Variants in OPCML observed in about 807,000 individuals in gnomAD.
The protein encoded by OPCML is opioid binding protein/cell adhesion molecule like, also known as opioid-binding protein/cell adhesion molecule.
In OPCML, 13 loss-of-function variants were observed where a neutral mutation model predicts 37.8. The ratio of observed to expected loss-of-function variants is 0.34; its 90% CI spans 0.22 to 0.55. The LOEUF is 0.55. OPCML is among the 20% of genes least tolerant of loss of function. The pLI is 0.91. For synonymous variants in OPCML, 176 were observed against 168.8 expected, an observed-to-expected ratio of 1.04 and a Z score of -0.33; for missense variants, 341 against 435.6, an observed-to-expected ratio of 0.78 and a Z score of 1.93.
chr11:132,873,117 C>T (rs932327094), intron 2 of OPCML, among the ~76,000 whole-genome samples: 2 of 152,096 alleles, frequency 1.3e-5, no homozygotes, highest in Non-Finnish European at 2.9e-5. Context: ...GGGTTCTTGT[C>T]CTGTCAAGAA....
At chr11:133,027,488 TGTTGTG>T (rs1244648038) in intron 1 of OPCML, among the ~76,000 whole-genome samples, 15 of 144,584 alleles carry the variant, frequency 1.0e-4, no homozygotes, top group Admixed American at 6.8e-4. Context: ...TGTGTGTGTG[TGTTGTG>T]TGTGTGTGTG....
At position 133,453,441 on chromosome 11, in the gene OPCML, T is replaced by C. The variant is rs1426707036; in HGVS notation, c.61+78823A>G. ...TTTATTGCTTTGCTTTTCTTTTTCA[T>C]AGGGTACAATTTATTTATTTAATTT... On this transcript the variant is annotated intron_variant, in intron 1 of 7. Transcript: ENST00000524381. 2.6e-5 allele frequency among the ~76,000 whole-genome samples: 4 copies of C among 152,236 alleles called. 1 individual carries two copies. Among genetic ancestry groups the C allele is most frequent in the Admixed American group, 2.0e-4 (3 of 15,290 alleles).
At chr11:133,331,925 G>A (rs1943627835) in intron 1 of OPCML, among the ~76,000 whole-genome samples, 1 of 151,994 alleles carries the variant, frequency 6.6e-6, no homozygotes, top group South Asian at 2.1e-4. Flanking sequence ...GCTCTTTTTT[G>A]GTTCCATATA....
intron 2 of OPCML, among the ~76,000 whole-genome samples, chr11:132,882,536 C>T (rs1171910530): frequency 6.6e-6 from 1 of 152,160 alleles, no homozygotes; most frequent in East Asian, 1.9e-4. Flanking sequence ...TTTTGCATAT[C>T]GTGATAGGGC....
intron 2 of OPCML, among the ~76,000 whole-genome samples, chr11:132,810,002 A>G (rs1939244279): frequency 6.6e-6 from 1 of 152,008 alleles, no homozygotes; most frequent in Non-Finnish European, 1.5e-5. Flanking sequence ...GGCGCCCGCC[A>G]CCACGCCCGG....
rs150765576 is a variant in OPCML at position 132,978,011 on chromosome 11, T to C, written c.62-35001A>G. Reference sequence around the variant, plus strand: ...AAATGTAAGAGCTGCTGAAAATGGTTTGTGGACTTGGGAAGTTTCCAACAA... The same window carrying C: ...AAATGTAAGAGCTGCTGAAAATGGTCTGTGGACTTGGGAAGTTTCCAACAA... On this transcript the variant is annotated intron_variant, in intron 1 of 7. Transcript: ENST00000524381. 2.5e-3 allele frequency among the ~76,000 whole-genome samples: 385 copies of C among 152,204 alleles called. 3 individuals carry two copies. The highest frequency in any genetic ancestry group is 8.7e-3 in the African/African-American group (362 of 41,526).
At chr11:133,353,522 T>C (rs1944191390) in intron 1 of OPCML, among the ~76,000 whole-genome samples, 1 of 152,124 alleles carries the variant, frequency 6.6e-6, no homozygotes. Flanking sequence ...CTTGACTGCA[T>C]ATTTTAAGTG....
At chr11:132,737,024 T>C (rs914705041) in intron 2 of OPCML, among the ~76,000 whole-genome samples, 1 of 152,216 alleles carries the variant, frequency 6.6e-6, no homozygotes, top group Non-Finnish European at 1.5e-5. Context: ...TGGATTTTGT[T>C]CCTTGGAGAT....
chr11:132,452,319 G>T (rs1345595781), intron 4 of OPCML, among the ~76,000 whole-genome samples: 6 of 152,090 alleles, frequency 3.9e-5, no homozygotes, highest in African/African-American at 1.4e-4. Context: ...GCTGGGGGAG[G>T]ATGAAAGGTC....
chr11:132,990,659 A>T (rs1946758378), intron 1 of OPCML, among the ~76,000 whole-genome samples: 1 of 152,242 alleles, frequency 6.6e-6, no homozygotes, highest in Non-Finnish European at 1.5e-5. Flanking sequence ...GAGAGCCCAG[A>T]CTAATATTGA....
chr11:133,284,832 T>A (rs1336755377), intron 1 of OPCML, among the ~76,000 whole-genome samples: 1 of 152,048 alleles, frequency 6.6e-6, no homozygotes, highest in African/African-American at 2.4e-5. Flanking sequence ...ATAGGTCTTA[T>A]GAAATAATTT....
At chr11:133,032,877 C>T (rs1166007145) in intron 1 of OPCML, among the ~76,000 whole-genome samples, 1 of 152,216 alleles carries the variant, frequency 6.6e-6, no homozygotes, top group African/African-American at 2.4e-5. Flanking sequence ...ATCTGCTGAG[C>T]AACCTACTGC....
intron 1 of OPCML, among the ~76,000 whole-genome samples, chr11:133,097,400 G>A (rs950850716): frequency 1.3e-5 from 2 of 152,194 alleles, no homozygotes; most frequent in African/African-American, 4.8e-5. Flanking sequence ...AGCATGCTTA[G>A]ATGGAGATTT....
At chr11:132,743,547 A>G (rs1426740782) in intron 2 of OPCML, among the ~76,000 whole-genome samples, 1 of 152,210 alleles carries the variant, frequency 6.6e-6, no homozygotes, top group Non-Finnish European at 1.5e-5. Context: ...TTTCTTTCCT[A>G]AAATACTTTT....
intron 4 of OPCML, among the ~76,000 whole-genome samples, chr11:132,457,093 G>T (rs747457585): frequency 6.6e-6 from 1 of 152,158 alleles, no homozygotes; most frequent in Non-Finnish European, 1.5e-5. Flanking sequence ...TGAGACCCGA[G>T]CTGAGACCCA....
intron 1 of OPCML, among the ~76,000 whole-genome samples, chr11:133,402,341 CTT>C (rs1945423395): frequency 6.6e-6 from 1 of 152,178 alleles, no homozygotes; most frequent in Admixed American, 6.5e-5. Context: ...CAAGTCAACT[CTT>C]AAAGGTCCTA....
chr11:132,865,192 A>C (rs1412413821), intron 2 of OPCML, among the ~76,000 whole-genome samples: 1 of 152,264 alleles, frequency 6.6e-6, no homozygotes, highest in East Asian at 1.9e-4. Context: ...ATACGCGCGC[A>C]CGCAAACACA....
At chr11:133,519,943 A>G (rs1287739463) in intron 1 of OPCML, among the ~76,000 whole-genome samples, 1 of 152,212 alleles carries the variant, frequency 6.6e-6, no homozygotes, top group Non-Finnish European at 1.5e-5. Flanking sequence ...TGAGCAGCTC[A>G]CAACCAAAGC....
chr11:132,647,949 A>G (rs1472334545), intron 3 of OPCML, among the ~76,000 whole-genome samples: 1 of 152,208 alleles, frequency 6.6e-6, no homozygotes, highest in African/African-American at 2.4e-5. Context: ...ACTTCTTGAG[A>G]AGCCAGAATA....
Sources: allele counts gnomAD v4.1 joint callset (sites outside exome capture counted in the v4.1 genomes callset), GRCh38; gene constraint gnomAD v4.1.1; transcripts MANE v1.5; gene names NCBI Gene and HGNC (gene_info 2026-07-23, HGNC 2026-07-21).